The following TCTN2 variants were observed in gnomAD, a reference collection of about 807,000 sequenced individuals.
TCTN2 encodes tectonic family member 2.
TCTN2 carries 66 observed loss-of-function variants against 83.4 expected under a neutral mutation model. The observed-to-expected ratio is 0.79, with a 90% confidence interval of 0.65 to 0.97. TCTN2 has a LOEUF of 0.97. Ranked by LOEUF, TCTN2 falls within the 50% of genes least tolerant of loss-of-function variation. TCTN2 has a pLI of 0.00. For missense variants in TCTN2, 794 were observed against 858.1 expected (o/e 0.93, Z 0.93); for synonymous variants, 301 against 326.7 (o/e 0.92, Z 0.85).
rs1374690759 is a variant in TCTN2, at chr12:123,707,177, TA to T, written c.1984+112del. On this transcript the variant is annotated intron_variant, in intron 17 of 17. Transcript: ENST00000303372. ...AGAAAGCATAAAACATATAGAAACT[TA>T]AAAAAAAGTACGGATAATATTGCCA... The T allele has an allele frequency of 9.4e-5, 92 of 982,540 alleles. No individual in the cohort carries two copies. In the East Asian group the frequency reaches 1.3e-3, roughly 14 times the overall value. 60.9% of individuals were successfully genotyped at this position (982,540 alleles called of 1,614,324 possible). A position where few individuals can be genotyped will look rare whatever the true frequency, so the allele number is the denominator to read the frequency against.
chr12:123,671,419 G>A (rs941302366), intron 1 of TCTN2, 88 bp from the exon 2 acceptor site: 1 of 1,587,410 alleles, frequency 6.3e-7, no homozygotes, highest in Middle Eastern at 1.7e-4. Context: ...TTCGGGAGTC[G>A]ACAACGCCAA....
Position 123,700,749 on chromosome 12 carries a change from C to A in TCTN2, c.1612+939C>A, listed in dbSNP as rs556436207. 3.3e-5 allele frequency among the ~76,000 whole-genome samples: 5 copies of A among 152,328 alleles called. No individual in the cohort carries two copies. The South Asian group carries it at 1.0e-3, about 32-fold the overall frequency. On this transcript the variant is annotated intron_variant, in intron 14 of 17. Coordinates refer to ENST00000303372, the MANE Select transcript of TCTN2 (RefSeq NM_024809.5). ...CCAGGCCGAGGCCAGGAGTTTAAGA[C>A]CAGCCTGGGCAACATAGTGAGACCT...
At chr12:123,694,272 C>T (rs1196250922) in intron 9 of TCTN2, among the ~76,000 whole-genome samples, 4 of 152,066 alleles carry the variant, frequency 2.6e-5, no homozygotes, top group Non-Finnish European at 5.9e-5. Context: ...GGATTACAGG[C>T]GTGAGCCACC....
rs529876120 is a variant in TCTN2, at chr12:123,707,137, A to C, written c.1984+64A>C. ...TCAATTTAAAAAAATTTTTTAAATGATGTCTAAATGTTACAGAAAGCATAA... is the reference window on the plus strand; with the variant it reads ...TCAATTTAAAAAAATTTTTTAAATGCTGTCTAAATGTTACAGAAAGCATAA... On this transcript the variant is annotated intron_variant, in intron 17 of 17. Transcript: ENST00000303372. The C allele has an allele frequency of 2.9e-5, 39 of 1,324,190 alleles. No homozygotes were observed. The Admixed American group carries it at 5.3e-4, about 18-fold the overall frequency. The allele number at this position is 1,324,190 out of a possible 1,614,324, so 82.0% of individuals were successfully genotyped here.
chr12:123,675,771 A>G (rs1955812935), intron 4 of TCTN2, among the ~76,000 whole-genome samples: 2 of 152,198 alleles, frequency 1.3e-5, no homozygotes, highest in Non-Finnish European at 1.5e-5. Flanking sequence ...GGGAACAGGA[A>G]AGGGCTGACA....
rs765734789 is a variant in TCTN2 at position 123,671,288 on chromosome 12, G to T, written c.48G>T (p.Leu16=). The T allele has an allele frequency of 3.7e-6, 6 of 1,613,480 alleles. No homozygotes were observed. Among genetic ancestry groups the T allele is most frequent in the African/African-American group, 1.3e-5 (1 of 74,904 alleles). ...CTCTTCTTTTGAGGCTTTTCCTTCT[G>T]CAGGGCATCCTGAGGCTTCTGTGGG... ...PAALLLRLFL[L]QGILRLLWGD... is the part of the protein sequence containing the mutation. The change falls in exon 1 of 18, where the codon CTG becomes CTT. Residue 16 remains leucine (L), a synonymous_variant. Transcript: ENST00000303372.
chr12:123,681,046 A>G (rs1955893626), intron 5 of TCTN2, among the ~76,000 whole-genome samples: 1 of 152,014 alleles, frequency 6.6e-6, no homozygotes, highest in Admixed American at 6.6e-5. Context: ...ATGTGGGTGG[A>G]TCACTTGAGT....
chr12:123,696,147 A>G (rs1956105622), intron 11 of TCTN2: 1 of 426,236 alleles, frequency 2.3e-6, no homozygotes, highest in Non-Finnish European at 4.4e-6. Context: ...CCTGGCCGAC[A>G]TGGTATTCTT....
chr12:123,690,601 C>T lies in TCTN2; in HGVS notation c.960C>T (p.Cys320=), dbSNP rs145332333. ...VAFLHNFDVK[C]VTNLELYQER... is the part of the protein sequence containing the mutation. ...TTCTTCACAATTTTGATGTTAAATG[C>T]GTTACTAATTTGGAACTATACCAAG... is the stretch of plus-strand genomic sequence containing the variant. Residue 320 remains cysteine, a synonymous_variant, in exon 8 of 18, where the codon TGC becomes TGT. Coordinates refer to ENST00000303372, the MANE Select transcript of TCTN2 (RefSeq NM_024809.5). The T allele has an allele frequency of 3.5e-5, 57 of 1,613,986 alleles. No individual in the cohort carries two copies. The highest frequency in any genetic ancestry group is 6.7e-5 in the Admixed American group (4 of 59,996).
At chr12:123,679,891 C>G (rs879401410) in intron 5 of TCTN2, among the ~76,000 whole-genome samples, 15 of 151,574 alleles carry the variant, frequency 9.9e-5, no homozygotes, top group Non-Finnish European at 4.4e-5. Flanking sequence ...AGGCGCCCAC[C>G]ACCACGCCCA....
intron 4 of TCTN2, among the ~76,000 whole-genome samples, chr12:123,677,745 C>CT (rs1398636955): frequency 6.6e-6 from 1 of 152,162 alleles, no homozygotes; most frequent in Non-Finnish European, 1.5e-5. Context: ...TCCACCCCCT[C>CT]TGTCTTCCAC....
intron 5 of TCTN2, among the ~76,000 whole-genome samples, chr12:123,685,714 C>T (rs1206449790): frequency 1.4e-5 from 2 of 142,170 alleles, no homozygotes; most frequent in African/African-American, 2.7e-5. Flanking sequence ...CCACTGCGCC[C>T]GGTCTTTTTT....
chr12:123,675,450 G>A (rs1243887044), intron 4 of TCTN2, among the ~76,000 whole-genome samples: 1 of 152,172 alleles, frequency 6.6e-6, no homozygotes, highest in South Asian at 2.1e-4. Flanking sequence ...AGTAGCAAAA[G>A]TCTGTTACCT....
chr12:123,688,273 G>A, intron 7 of TCTN2, 96 bp downstream of exon 7: 1 of 1,483,746 alleles, frequency 6.7e-7, no homozygotes, highest in Non-Finnish European at 9.1e-7. Flanking sequence ...CTCAAGTGCA[G>A]TGCCAGATCT....
intron 17 of TCTN2, chr12:123,707,285 C>A: frequency 1.6e-6 from 1 of 618,732 alleles, no homozygotes; most frequent in Non-Finnish European, 2.8e-6. Context: ...CTTGCTCTGA[C>A]ACCCTGGCTG....
intron 9 of TCTN2, among the ~76,000 whole-genome samples, chr12:123,694,242 C>T (rs1263046471): frequency 6.6e-6 from 1 of 152,132 alleles, no homozygotes; most frequent in Non-Finnish European, 1.5e-5. Flanking sequence ...ATCTGCCTGC[C>T]TCAGCCTCCC....
chr12:123,679,417 G>T, intron 5 of TCTN2, 128 bp downstream of exon 5: 1 of 867,286 alleles, frequency 1.2e-6, no homozygotes, highest in East Asian at 2.6e-5. Flanking sequence ...GCTGGAGTAT[G>T]GTGATGCAAT....
rs1464853981 is a variant in TCTN2, at chr12:123,672,126, C to T, written c.261C>T (p.Pro87=). 2 of 1,613,976 alleles carry T rather than the reference C, an allele frequency of 1.2e-6. No individual in the cohort carries two copies. The highest frequency in any genetic ancestry group is 1.7e-6 in the Non-Finnish European group (2 of 1,179,966). Residue 87 remains proline (P), a synonymous_variant, in exon 3 of 18, where the codon CCC becomes CCT. Coordinates refer to ENST00000303372, the MANE Select transcript of TCTN2 (RefSeq NM_024809.5). The part of the protein sequence containing the change: ...ETEDWSVTVI[P]GAKVLEVTVR... ...AAGACTGGAGCGTGACTGTGATCCC[C>T]GGTGCGGTAAGGCCAGAAGTAAACC...
chr12:123,686,851 T>G lies in TCTN2; in HGVS notation c.580T>G (p.Leu194Val), dbSNP rs773579477. Residue 194 changes from leucine (L) to valine (V), a missense_variant, in exon 6 of 18, where the codon TTA becomes GTA. Leu to Val is a conservative substitution (Grantham distance 32). Coordinates refer to ENST00000303372, the MANE Select transcript of TCTN2 (RefSeq NM_024809.5). ...TGTCTTCCAGGAATGCTCATCAAAT[T>G]TAACAACGCTGTTCAGACGGTCCTG... ...CCCDQECSSN[L>V]TTLFRRSCFT... is the part of the protein sequence containing the mutation. 3.1e-6 allele frequency: 5 copies of G among 1,614,100 alleles called. No homozygotes were observed. The African/African-American group carries it at 6.7e-5, about 22-fold the overall frequency.
Sources: gnomAD v4.1 joint callset for allele counts (sites outside exome capture counted in the v4.1 genomes callset) on GRCh38, gnomAD v4.1.1 for gene constraint, MANE v1.5 for transcripts, NCBI Gene and HGNC (gene_info 2026-07-23, HGNC 2026-07-21) for gene names.